The following PRRC2C variants were observed in gnomAD, a reference collection of about 807,000 sequenced individuals.
The protein encoded by PRRC2C is proline rich coiled-coil 2C.
Under a neutral mutation model 317.2 loss-of-function variants are expected in PRRC2C, and 72 were observed. The ratio of observed to expected loss-of-function variants is 0.23; its 90% CI spans 0.19 to 0.28. The LOEUF (loss-of-function observed/expected upper bound fraction) is 0.28. Ranked by LOEUF, PRRC2C falls within the 10% of genes least tolerant of loss-of-function variation. The pLI is 1.00. For missense variants in PRRC2C, 3,074 were observed against 3,459.7 expected, an observed-to-expected ratio of 0.89 and a Z score of 2.80; for synonymous variants, 1,296 against 1,205.9, an observed-to-expected ratio of 1.07 and a Z score of -1.55.
Position 171,566,313 on chromosome 1 carries a change from T to C in PRRC2C, c.6198T>C (p.Asn2066=). The C allele has an allele frequency of 6.2e-7, 1 of 1,608,256 alleles. No homozygotes were observed. Among genetic ancestry groups the C allele is most frequent in the Non-Finnish European group, 8.5e-7 (1 of 1,177,238 alleles). The part of the protein sequence containing the change: ...IQFGAPASNG[N]ENEVVPVLSE... ...TTGGTGCTCCAGCCTCAAATGGAAA[T>C]GAAAATGAAGTTGTTCCTGTGCTTT... Residue 2066 remains asparagine, a synonymous_variant, in exon 21 of 35, where the codon AAT becomes AAC. Coordinates refer to ENST00000647382, the MANE Select transcript of PRRC2C (RefSeq NM_001387844.1).
intron 18 of PRRC2C, 149 bp downstream of exon 18, chr1:171,550,389 T>C: frequency 1.5e-6 from 1 of 677,846 alleles, no homozygotes; most frequent in Non-Finnish European, 2.2e-6. Flanking sequence ...TTAATCATTT[T>C]GACCAGAATC....
chr1:171,591,586 G>A lies in PRRC2C; in HGVS notation c.8437-1G>A. 1 of 1,609,826 alleles carries A rather than the reference G, an allele frequency of 6.2e-7. No individual in the cohort carries two copies. The highest frequency in any genetic ancestry group is 8.5e-7 in the Non-Finnish European group (1 of 1,177,202). ...TCAGTTGTTCTTTCTCATTTTTTAA[G>A]GCAAAGCAGAGAGCAGAGGTTCTTC... On this transcript the variant is annotated splice_acceptor_variant, in intron 34 of 34. Coordinates refer to ENST00000647382, the MANE Select transcript of PRRC2C (RefSeq NM_001387844.1). LOFTEE classifies it high-confidence loss of function.
chr1:171,543,001 C>G (rs1420763823), intron 16 of PRRC2C, among the ~76,000 whole-genome samples: 1 of 147,802 alleles, frequency 6.8e-6, no homozygotes, highest in Non-Finnish European at 1.5e-5. Context: ...ACCTCGTGAT[C>G]CACCCGCCTC....
intron 4 of PRRC2C, 86 bp from the exon 5 acceptor site, chr1:171,515,648 A>G (rs1672221732): frequency 9.0e-7 from 1 of 1,112,306 alleles, no homozygotes; most frequent in Middle Eastern, 2.5e-4. Context: ...TAAGAGAAAG[A>G]GGCAGAGAGC....
intron 1 of PRRC2C, among the ~76,000 whole-genome samples, chr1:171,493,083 A>T (rs796249980): frequency 1.4e-5 from 2 of 143,686 alleles, no homozygotes; most frequent in South Asian, 4.9e-4. Flanking sequence ...AAAATAATAA[A>T]AGAAGAGAAG....
chr1:171,591,372 G>GTTTT, intron 34 of PRRC2C: 4 of 514,916 alleles, frequency 7.8e-6, no homozygotes, highest in Non-Finnish European at 1.1e-5. Context: ...GTGGTCCTGT[G>GTTTT]GTTTTTTTTT....
chr1:171,540,904 A>G lies in PRRC2C; in HGVS notation c.3438A>G (p.Lys1146=), dbSNP rs905035234. 2 of 1,613,870 alleles carry G rather than the reference A, an allele frequency of 1.2e-6. No individual in the cohort carries two copies. The highest frequency in any genetic ancestry group is 1.3e-5 in the African/African-American group (1 of 75,034). The change falls in exon 16 of 35, where the codon AAA becomes AAG. Residue 1146 remains lysine, a synonymous_variant. Transcript: ENST00000647382. Reference sequence around the variant, plus strand: ...AACAACCTGAGAAAGTCATCAGCAAAGACCTTGTTATAGAGAGGCCTCGAC... The same window carrying G: ...AACAACCTGAGAAAGTCATCAGCAAGGACCTTGTTATAGAGAGGCCTCGAC... ...EEKQPEKVIS[K]DLVIERPRPD...
At position 171,485,952 on chromosome 1, in the gene PRRC2C, G is replaced by A. The variant is rs145239795; in HGVS notation, c.-58+217G>A. ...CCTCCAGCTTGGGGAGCGGGAAACCGGAGTCAGACCCGCCCCATGTGGTCT... is the reference window on the plus strand; with the variant it reads ...CCTCCAGCTTGGGGAGCGGGAAACCAGAGTCAGACCCGCCCCATGTGGTCT... On this transcript the variant is annotated intron_variant, in intron 1 of 34. Transcript: ENST00000647382. Among the ~76,000 whole-genome samples the A allele has an allele frequency of 2.2e-3, 337 of 152,144 alleles. 1 individual carries two copies. Among genetic ancestry groups the A allele is most frequent in the African/African-American group, 7.8e-3 (325 of 41,520 alleles).
At chr1:171,567,624 T>A (rs1327334169) in intron 22 of PRRC2C, among the ~76,000 whole-genome samples, 2 of 152,216 alleles carry the variant, frequency 1.3e-5, no homozygotes, top group Non-Finnish European at 2.9e-5. Context: ...ACTAAGATCT[T>A]GGTAATTGAT....
In PRRC2C at chr1:171,589,581, G is replaced by A. The variant is rs755233159; in HGVS notation, c.8412G>A (p.Ala2804=). 3.8e-5 allele frequency: 49 copies of A among 1,289,560 alleles called. No individual in the cohort carries two copies. In the African/African-American group the frequency reaches 5.3e-4, roughly 14 times the overall value. 79.9% of individuals were successfully genotyped at this position (1,289,560 alleles called of 1,614,324 possible). ...SGVRGNQAQA[A]LKAEQDMKAK... The stretch of plus-strand genomic sequence containing the variant: ...TCAGAGGTAATCAGGCCCAGGCTGC[G>A]TTGAAGGCTGAACAAGACATGAAGG... Residue 2804 remains alanine, a synonymous_variant, in exon 34 of 35, where the codon GCG becomes GCA. Coordinates refer to ENST00000647382, the MANE Select transcript of PRRC2C (RefSeq NM_001387844.1).
intron 11 of PRRC2C, 100 bp from the exon 12 acceptor site, chr1:171,532,243 T>A: frequency 8.0e-7 from 1 of 1,252,752 alleles, no homozygotes; most frequent in South Asian, 1.6e-5. Context: ...ATCAGAGAAA[T>A]TTCTGATATT....
rs377380983 is a variant in PRRC2C, at chr1:171,524,912, G to C, written c.1147G>C (p.Ala383Pro). The C allele has an allele frequency of 6.2e-7, 1 of 1,611,484 alleles. No individual in the cohort carries two copies. The highest frequency in any genetic ancestry group is 1.3e-5 in the African/African-American group (1 of 74,942). Residue 383 changes from alanine (A) to proline (P), a missense_variant, in exon 10 of 35, where the codon GCC becomes CCC. This residue lies in a region of PRRC2C where 1,320 missense variants were observed against 1,395.7 expected (regional missense o/e 0.95). Coordinates refer to ENST00000647382, the MANE Select transcript of PRRC2C (RefSeq NM_001387844.1). The part of the protein sequence containing the change: ...SNTKSSSQIP[A>P]QPSVAKVPYG... The stretch of plus-strand genomic sequence containing the variant: ...CACTAAATCATCTTCCCAAATACCT[G>C]CCCAACCATCAGTAGCAAAAGTTCC...
intron 18 of PRRC2C, among the ~76,000 whole-genome samples, chr1:171,553,952 G>A (rs1406443598): frequency 6.6e-6 from 1 of 152,150 alleles, no homozygotes; most frequent in Non-Finnish European, 1.5e-5. Context: ...TGTTGATTTG[G>A]GGTGGAGAGT....
intron 28 of PRRC2C, among the ~76,000 whole-genome samples, chr1:171,583,260 A>G (rs1649109131): frequency 6.6e-6 from 1 of 152,042 alleles, no homozygotes; most frequent in Admixed American, 6.6e-5. Flanking sequence ...GAGCATGAAC[A>G]CCATGTCTGG....
At position 171,517,729 on chromosome 1, in the gene PRRC2C, G is replaced by A; in HGVS notation, c.665G>A (p.Arg222Lys). 1 of 1,613,802 alleles carries A rather than the reference G, an allele frequency of 6.2e-7. No homozygotes were observed. Among genetic ancestry groups the A allele is most frequent in the South Asian group, 1.1e-5 (1 of 91,058 alleles). Residue 222 changes from arginine to lysine, a missense_variant, in exon 6 of 35, where the codon AGG becomes AAG. Physicochemically the swap from Arg to Lys is conservative, Grantham distance 26 (BLOSUM62 2). Coordinates refer to ENST00000647382, the MANE Select transcript of PRRC2C (RefSeq NM_001387844.1). ...QNDILKVVEK[R>K]IACGPPQAKL... is the part of the protein sequence containing the mutation. ...GATATCCTCAAAGTGGTGGAAAAGAGGATAGCTTGTGGTCCTCCACAGGCT... is the reference window on the plus strand; with the variant it reads ...GATATCCTCAAAGTGGTGGAAAAGAAGATAGCTTGTGGTCCTCCACAGGCT...
At chr1:171,523,116 G>C (rs1371099014) in intron 7 of PRRC2C, 105 bp from the exon 8 acceptor site, 28 of 1,060,354 alleles carry the variant, frequency 2.6e-5, no homozygotes, top group Non-Finnish European at 3.6e-5. Context: ...GTATCTTGGT[G>C]TAGAAAACAC....
chr1:171,566,278 A>G lies in PRRC2C; in HGVS notation c.6163A>G (p.Thr2055Ala). 1 of 1,611,642 alleles carries G rather than the reference A, an allele frequency of 6.2e-7. No individual in the cohort carries two copies. Among genetic ancestry groups the G allele is most frequent in the Non-Finnish European group, 8.5e-7 (1 of 1,178,926 alleles). Residue 2055 changes from threonine to alanine, a missense_variant, in exon 21 of 35, where the codon ACA becomes GCA. By Grantham distance (58) the Thr-to-Ala change is moderately conservative (BLOSUM62 0). Transcript: ENST00000647382. Reference protein sequence around the residue: ...QESGLEIGTDTIQFGAPASNG... With the variant: ...QESGLEIGTDAIQFGAPASNG... ...AAGTGGACTCGAAATTGGAACTGACACAATTCAGTTTGGTGCTCCAGCCTC... is the reference window on the plus strand; with the variant it reads ...AAGTGGACTCGAAATTGGAACTGACGCAATTCAGTTTGGTGCTCCAGCCTC...
chr1:171,571,527 A>G, intron 24 of PRRC2C, 106 bp downstream of exon 24: 1 of 792,168 alleles, frequency 1.3e-6, no homozygotes, highest in Non-Finnish European at 2.1e-6. Context: ...GGTAAGCAAC[A>G]ATACTAAGCT....
intron 1 of PRRC2C, 162 bp from the exon 2 acceptor site, chr1:171,511,870 G>C (rs944803648): frequency 7.4e-6 from 3 of 404,104 alleles, no homozygotes; most frequent in Non-Finnish European, 1.4e-5. Context: ...GTGCATGATA[G>C]CTTATTGTGA....
Sources: gnomAD v4.1 joint callset for allele counts (sites outside exome capture counted in the v4.1 genomes callset) on GRCh38, gnomAD v4.1.1 for gene constraint, gnomAD v4.1.1 regional missense constraint, MANE v1.5 for transcripts, NCBI Gene and HGNC (gene_info 2026-07-23, HGNC 2026-07-21) for gene names.